The following PCDHGB3 variants were observed in gnomAD, a reference collection of about 807,000 sequenced individuals.
PCDHGB3 encodes the protein protocadherin gamma-B3.
Under a neutral mutation model 59.2 loss-of-function variants are expected in PCDHGB3, and 40 were observed. The observed-to-expected ratio is 0.68, with a 90% CI of 0.52 to 0.88. The LOEUF is 0.88. Ranked by LOEUF, PCDHGB3 falls within the 40% of genes least tolerant of loss-of-function variation. PCDHGB3 has a pLI of 0.00. For missense variants in PCDHGB3, 1,309 were observed against 1,187.9 expected (o/e 1.10, Z -1.50); for synonymous variants, 581 against 503.6 (o/e 1.15, Z -2.06).
chr5:141,477,169 G>A lies in PCDHGB3; in HGVS notation c.2416-17638G>A. 6.2e-7 allele frequency: 1 copy of A among 1,614,198 alleles called. No individual in the cohort carries two copies. The highest frequency in any genetic ancestry group is 8.5e-7 in the Non-Finnish European group (1 of 1,180,042). The stretch of plus-strand genomic sequence containing the variant: ...TGGATGTGAATGACAACGCCCCGGA[G>A]ATCACAGTCACCTCCGTGTACAGCC... On this transcript the variant is annotated intron_variant, in intron 1 of 3. Transcript: ENST00000576222. The surrounding 1 kb of genome is among the most constrained non-coding windows in gnomAD (Gnocchi z 4.9).
In PCDHGB3 at chr5:141,413,371, CGCGGAGT is replaced by C. The variant is rs765391000; in HGVS notation, c.2415+40563_2415+40569del. The C allele has an allele frequency of 3.7e-6, 6 of 1,613,848 alleles. No homozygotes were observed. In the African/African-American group the frequency reaches 8.0e-5, roughly 22 times the overall value. On this transcript the variant is annotated intron_variant, in intron 1 of 3. Coordinates refer to ENST00000576222, the MANE Select transcript of PCDHGB3 (RefSeq NM_018924.5). ...TCTGGCGCCCCGGGAGCTGGCGGAG[CGCGGAGT>C]CCGCATAGTCTCCAGAGGTAGGACG...
chr5:141,450,702 G>T (rs1466981422), intron 1 of PCDHGB3, among the ~76,000 whole-genome samples: 6 of 152,026 alleles, frequency 3.9e-5, no homozygotes, highest in South Asian at 2.1e-4. Flanking sequence ...GCCCAGGATG[G>T]TCTCCAACTC....
intron 1 of PCDHGB3, among the ~76,000 whole-genome samples, chr5:141,475,620 G>A (rs2154572702): frequency 6.6e-6 from 1 of 152,238 alleles, no homozygotes; most frequent in Admixed American, 6.5e-5. Flanking sequence ...TTTTCGGTTT[G>A]GTTCGATCCC....
chr5:141,461,355 G>A (rs993200082), intron 1 of PCDHGB3, among the ~76,000 whole-genome samples: 3 of 152,022 alleles, frequency 2.0e-5, no homozygotes, highest in Non-Finnish European at 2.9e-5. Flanking sequence ...GTGGTAGCTC[G>A]TTGTGGTTTT....
chr5:141,402,908 G>C (rs772824235), intron 1 of PCDHGB3: 1 of 1,545,226 alleles, frequency 6.5e-7, no homozygotes, highest in African/African-American at 1.4e-5. Flanking sequence ...TGATGAAGCA[G>C]CGCGCACAGA....
intron 1 of PCDHGB3, among the ~76,000 whole-genome samples, chr5:141,456,166 G>A (rs531975607): frequency 6.6e-6 from 1 of 152,148 alleles, no homozygotes; most frequent in African/African-American, 2.4e-5. Flanking sequence ...TAAAGTGCTG[G>A]GATTACAGAA....
chr5:141,434,727 A>C (rs1344107083), intron 1 of PCDHGB3, among the ~76,000 whole-genome samples: 1 of 152,052 alleles, frequency 6.6e-6, no homozygotes. Context: ...CAGGGCTCTC[A>C]GCTCTGAAGG....
chr5:141,456,140 G>A (rs1032104368), intron 1 of PCDHGB3, among the ~76,000 whole-genome samples: 38 of 152,022 alleles, frequency 2.5e-4, no homozygotes, highest in African/African-American at 8.7e-4. Flanking sequence ...CTCCTGATCC[G>A]CCCGCCTCGG....
chr5:141,437,434 G>A (rs183505868), intron 1 of PCDHGB3, among the ~76,000 whole-genome samples: 409 of 152,312 alleles, frequency 2.7e-3, no homozygotes, highest in Middle Eastern at 6.8e-3. Flanking sequence ...AGCAGCAATA[G>A]CATAGGAATG....
At chr5:141,429,361 A>G (rs2097205912) in intron 1 of PCDHGB3, among the ~76,000 whole-genome samples, 1 of 150,698 alleles carries the variant, frequency 6.6e-6, no homozygotes, top group East Asian at 1.9e-4. Context: ...AATGCATGAG[A>G]AAATGGAGAA....
chr5:141,404,429 G>A (rs760246804), intron 1 of PCDHGB3: 1 of 1,613,682 alleles, frequency 6.2e-7, no homozygotes, highest in East Asian at 2.2e-5. Flanking sequence ...CTCCTTGGCA[G>A]AGGATACCAT....
In PCDHGB3 at chr5:141,423,270, T is replaced by G. The variant is rs1304998648; in HGVS notation, c.2415+50461T>G. 3 of 1,613,686 alleles carry G rather than the reference T, an allele frequency of 1.9e-6. No homozygotes were observed. The African/African-American group carries it at 4.0e-5, about 22-fold the overall frequency. ...TGGCGGACCTCGGCAGCCTCGAGTC[T>G]CTGGCTAACTCTGAAACCTCAGACC... is the stretch of plus-strand genomic sequence containing the variant. On this transcript the variant is annotated intron_variant, in intron 1 of 3. Transcript: ENST00000576222.
At chr5:141,380,474 C>T (rs1452214567) in intron 1 of PCDHGB3, among the ~76,000 whole-genome samples, 1 of 152,180 alleles carries the variant, frequency 6.6e-6, no homozygotes, top group Non-Finnish European at 1.5e-5. Context: ...GGTCAGGATT[C>T]TTCCCAATAT....
At chr5:141,454,870 C>T (rs2098805291) in intron 1 of PCDHGB3, among the ~76,000 whole-genome samples, 1 of 131,902 alleles carries the variant, frequency 7.6e-6, no homozygotes, top group Non-Finnish European at 1.5e-5. Context: ...TGCAGTGGCA[C>T]GATCTTGGCT....
At chr5:141,418,015 G>T (rs1385008648) in intron 1 of PCDHGB3, 1 of 1,613,964 alleles carries the variant, frequency 6.2e-7, no homozygotes, top group Non-Finnish European at 8.5e-7. Context: ...ACCTCGCTAA[G>T]GATCTAGGGC....
chr5:141,374,354 G>C, intron 1 of PCDHGB3: 1 of 1,614,036 alleles, frequency 6.2e-7, no homozygotes, highest in East Asian at 2.2e-5. Context: ...GGGTAGGATA[G>C]ACCGCGAGGA....
chr5:141,390,556 CAGTTGTTGG>C, intron 1 of PCDHGB3: 2 of 454,162 alleles, frequency 4.4e-6, no homozygotes, highest in Admixed American at 3.9e-5. Flanking sequence ...AAGTGTTAGA[CAGTTGTTGG>C]CTCTCTCCTA....
At chr5:141,507,429 G>C (rs1191174823) in intron 3 of PCDHGB3, 3 of 152,238 alleles carry the variant, frequency 2.0e-5, no homozygotes, top group African/African-American at 7.2e-5. Flanking sequence ...AGTGGGGCCA[G>C]GCCTACAGCT....
At chr5:141,385,354 G>A (rs1781142945) in intron 1 of PCDHGB3, 1 of 1,550,398 alleles carries the variant, frequency 6.4e-7, no homozygotes, top group South Asian at 1.2e-5. Context: ...ATTTCCATGA[G>A]GAATTTATTT....
Sources: gnomAD v4.1 joint callset for allele counts (sites outside exome capture counted in the v4.1 genomes callset) on GRCh38, gnomAD v4.1.1 for gene constraint, Gnocchi (gnomAD v3.1) non-coding constraint, MANE v1.5 for transcripts, NCBI Gene and HGNC (gene_info 2026-07-23, HGNC 2026-07-21) for gene names.